Variants in IL1RAPL1 observed in about 807,000 individuals in gnomAD.
IL1RAPL1 encodes the protein interleukin 1 receptor accessory protein like 1, also known as interleukin-1 receptor accessory protein-like 1.
Under a neutral mutation model 48.4 loss-of-function variants are expected in IL1RAPL1, and 3 were observed. That is an observed-to-expected ratio of 0.06 (90% CI 0.03 to 0.16). The LOEUF (loss-of-function observed/expected upper bound fraction) is 0.16. Among genes scored for constraint, IL1RAPL1 ranks in the 10% least tolerant of loss-of-function variants. The pLI, the probability that IL1RAPL1 is intolerant of heterozygous loss-of-function variation, is 1.00. For missense variants in IL1RAPL1, 349 were observed against 530.6 expected (o/e 0.66, Z 3.36); for synonymous variants, 185 against 187.7 (o/e 0.99, Z 0.12).
At chrX:28,612,076 A>G (rs1427269696) in intron 1 of IL1RAPL1, among the ~76,000 whole-genome samples, 1 of 111,900 alleles carries the variant, frequency 8.9e-6, no homozygotes, top group Admixed American at 9.5e-5. Context: ...CAGAACCTAA[A>G]AGCTATGCCT....
chrX:29,489,120 G>A (rs760738850), intron 5 of IL1RAPL1, among the ~76,000 whole-genome samples: 3 of 111,556 alleles, frequency 2.7e-5, no homozygotes, highest in African/African-American at 9.8e-5. Flanking sequence ...GGGGAGTCTC[G>A]TGACATTTCT....
At chrX:29,456,369 C>A (rs184107726) in intron 5 of IL1RAPL1, among the ~76,000 whole-genome samples, 2 of 111,544 alleles carry the variant, frequency 1.8e-5, no homozygotes, top group East Asian at 5.7e-4. Flanking sequence ...GTGGTCATGG[C>A]TAACTGTTAT....
At chrX:29,871,758 C>G (rs989977942) in intron 6 of IL1RAPL1, among the ~76,000 whole-genome samples, 1 of 111,244 alleles carries the variant, frequency 9.0e-6, no homozygotes, top group Admixed American at 9.5e-5. Context: ...GAGTCTTGCT[C>G]TGTCACCCAG....
intron 1 of IL1RAPL1, among the ~76,000 whole-genome samples, chrX:28,731,703 C>T (rs189780649): frequency 1.0e-3 from 115 of 111,778 alleles, no homozygotes; most frequent in African/African-American, 3.4e-3. Flanking sequence ...CAGAATACTA[C>T]GGAGTCTTTG....
chrX:28,806,052 G>A (rs1203011490), intron 2 of IL1RAPL1, among the ~76,000 whole-genome samples: 1 of 111,006 alleles, frequency 9.0e-6, no homozygotes, highest in African/African-American at 3.3e-5. Context: ...ACTCCTTGAG[G>A]AATGATCTCT....
intron 3 of IL1RAPL1, among the ~76,000 whole-genome samples, chrX:29,323,135 A>G (rs962521747): frequency 9.0e-6 from 1 of 111,435 alleles, no homozygotes; most frequent in African/African-American, 3.3e-5. Flanking sequence ...GATTTTATCA[A>G]TTCTTATTCT....
chrX:28,666,373 A>G (rs1385014008), intron 1 of IL1RAPL1, among the ~76,000 whole-genome samples: 1 of 111,807 alleles, frequency 8.9e-6, no homozygotes, highest in Non-Finnish European at 1.9e-5. Context: ...GAAAGCTGAT[A>G]GTGAAGATCT....
In IL1RAPL1 at chrX:29,955,390, G is replaced by T. The variant is rs1401873116; in HGVS notation, c.1661G>T (p.Arg554Leu). 1 of 1,211,240 alleles carries T rather than the reference G, an allele frequency of 8.3e-7. No individual in the cohort carries two copies. Among genetic ancestry groups the T allele is most frequent in the Non-Finnish European group, 1.1e-6 (1 of 895,372 alleles). The change falls in exon 11 of 11, where the codon CGT becomes CTT. Residue 554 changes from arginine (R) to leucine (L), a missense_variant. This residue lies in a region of IL1RAPL1 where 46 missense variants were observed against 113.3 expected (regional missense o/e 0.41). Coordinates refer to ENST00000378993, the MANE Select transcript of IL1RAPL1 (RefSeq NM_014271.4). ...AAGTTGAACTCCAAGTTCTGGAAAC[G>T]TTTACAGTATGAAATGCCTTTTAAG... ...CNKLNSKFWK[R>L]LQYEMPFKRI...
intron 2 of IL1RAPL1, among the ~76,000 whole-genome samples, chrX:28,989,899 A>T (rs2147380831): frequency 8.9e-6 from 1 of 111,970 alleles, no homozygotes; most frequent in Admixed American, 9.5e-5. Flanking sequence ...TAGAAAAATT[A>T]TTTCTAGGTA....
At chrX:29,563,713 A>G (rs1005896249) in intron 5 of IL1RAPL1, among the ~76,000 whole-genome samples, 2 of 111,940 alleles carry the variant, frequency 1.8e-5, no homozygotes, top group African/African-American at 6.5e-5. Flanking sequence ...TGTTTTAATC[A>G]CTTTCCACAC....
chrX:29,286,354 G>A lies in IL1RAPL1; in HGVS notation c.362+3137G>A, dbSNP rs143185987. 3.6e-4 allele frequency among the ~76,000 whole-genome samples: 40 copies of A among 111,028 alleles called. No homozygotes were observed. The East Asian group carries it at 0.01, about 29-fold the overall frequency. ...ACAATTTCTTTTGTCTTATTTTATG[G>A]CCATATATAAAAACAAGTTTACTCT... On this transcript the variant is annotated intron_variant, in intron 3 of 10. Transcript: ENST00000378993.
intron 1 of IL1RAPL1, among the ~76,000 whole-genome samples, chrX:28,743,228 C>A (rs1161349522): frequency 9.0e-6 from 1 of 111,094 alleles, no homozygotes; most frequent in Non-Finnish European, 1.9e-5. Flanking sequence ...TCCCACTATA[C>A]CTGGGTGCCT....
chrX:29,190,679 A>T (rs1001170383), intron 2 of IL1RAPL1, among the ~76,000 whole-genome samples: 2 of 112,372 alleles, frequency 1.8e-5, no homozygotes, highest in Admixed American at 9.5e-5. Context: ...AACCATAATT[A>T]TGAACTATAA....
At chrX:28,701,943 A>G (rs954033880) in intron 1 of IL1RAPL1, among the ~76,000 whole-genome samples, 14 of 112,009 alleles carry the variant, frequency 1.2e-4, no homozygotes, top group African/African-American at 4.2e-4. Context: ...TTAATAAAAT[A>G]AAGCAAGACA....
At chrX:28,784,074 G>A (rs1936450214) in intron 1 of IL1RAPL1, among the ~76,000 whole-genome samples, 1 of 111,957 alleles carries the variant, frequency 8.9e-6, no homozygotes, top group Non-Finnish European at 1.9e-5. Flanking sequence ...CCTCAAGGTA[G>A]TAGCCAAAGC....
intron 2 of IL1RAPL1, among the ~76,000 whole-genome samples, chrX:29,108,898 A>G (rs1928503068): frequency 8.9e-6 from 1 of 111,799 alleles, no homozygotes; most frequent in East Asian, 2.8e-4. Context: ...TTCATGAAAA[A>G]AATGCATTTC....
chrX:29,853,837 A>G (rs999286157), intron 6 of IL1RAPL1, among the ~76,000 whole-genome samples: 1 of 111,689 alleles, frequency 9.0e-6, no homozygotes, highest in African/African-American at 3.3e-5. Flanking sequence ...GTCATTTTCT[A>G]TTATATGATT....
intron 6 of IL1RAPL1, among the ~76,000 whole-genome samples, chrX:29,691,653 A>G (rs1050452655): frequency 9.2e-6 from 1 of 109,199 alleles, no homozygotes; most frequent in African/African-American, 3.3e-5. Flanking sequence ...AATTCAATAC[A>G]TTCAATTTTA....
At chrX:29,811,131 A>G (rs1286590539) in intron 6 of IL1RAPL1, among the ~76,000 whole-genome samples, 1 of 110,447 alleles carries the variant, frequency 9.1e-6, no homozygotes, top group Non-Finnish European at 1.9e-5. Context: ...TAGTGACAAA[A>G]GAGGGGGGTC....
Sources: gnomAD v4.1 joint callset for allele counts (sites outside exome capture counted in the v4.1 genomes callset) on GRCh38, gnomAD v4.1.1 for gene constraint, gnomAD v4.1.1 regional missense constraint, MANE v1.5 for transcripts, NCBI Gene and HGNC (gene_info 2026-07-23, HGNC 2026-07-21) for gene names.